Variants in LSAMP observed in about 807,000 individuals in gnomAD.
LSAMP encodes the protein limbic system associated membrane protein.
A neutral mutation model predicts 38.6 loss-of-function variants in LSAMP; 7 were observed. The observed-to-expected ratio is 0.18, with a 90% CI of 0.10 to 0.34. The LOEUF (loss-of-function observed/expected upper bound fraction) is 0.34. Ranked by LOEUF, LSAMP falls within the 10% of genes least tolerant of loss-of-function variation. The pLI, the probability that LSAMP is intolerant of heterozygous loss-of-function variation, is 1.00. For missense variants in LSAMP, 313 were observed against 420.0 expected (o/e 0.75, Z 2.23); for synonymous variants, 154 against 166.8 (o/e 0.92, Z 0.59).
chr3:116,268,333 C>G (rs2046920284), intron 1 of LSAMP, among the ~76,000 whole-genome samples: 1 of 152,074 alleles, frequency 6.6e-6, no homozygotes, highest in Middle Eastern at 3.2e-3. Context: ...CTGGCCAACC[C>G]AAATGCCTTT....
At chr3:116,078,817 C>T (rs1707808523) in intron 2 of LSAMP, among the ~76,000 whole-genome samples, 1 of 152,082 alleles carries the variant, frequency 6.6e-6, no homozygotes, top group Non-Finnish European at 1.5e-5. Flanking sequence ...AGAGATGCTC[C>T]AAGTTATATT....
intron 1 of LSAMP, among the ~76,000 whole-genome samples, chr3:116,272,052 A>G (rs1458224527): frequency 1.3e-5 from 2 of 152,066 alleles, no homozygotes; most frequent in Non-Finnish European, 2.9e-5. Context: ...TAAAGATGGA[A>G]GGAATTCTCA....
chr3:116,248,914 G>A (rs1484956013), intron 1 of LSAMP, among the ~76,000 whole-genome samples: 1 of 152,110 alleles, frequency 6.6e-6, no homozygotes, highest in Admixed American at 6.5e-5. Context: ...TTGGGAGGCT[G>A]AGGCAGGCGG....
intron 1 of LSAMP, among the ~76,000 whole-genome samples, chr3:116,167,779 T>C (rs1710096443): frequency 1.3e-5 from 2 of 152,234 alleles, no homozygotes; most frequent in African/African-American, 4.8e-5. Flanking sequence ...ACATACTATG[T>C]ATAATAATGT....
At chr3:116,302,432 T>G (rs1176451990) in intron 1 of LSAMP, among the ~76,000 whole-genome samples, 1 of 152,180 alleles carries the variant, frequency 6.6e-6, no homozygotes, top group Non-Finnish European at 1.5e-5. Context: ...GGTAATCACC[T>G]CTAAAAACTC....
rs73858601 is a variant in LSAMP, at chr3:116,235,020, A to G, written c.156-148464T>C. ...CAATGAACTTTTTTTATGTAGCATTATATTTCCACAGAAAAAATATTCTAA... is the reference window on the plus strand; with the variant it reads ...CAATGAACTTTTTTTATGTAGCATTGTATTTCCACAGAAAAAATATTCTAA... On this transcript the variant is annotated intron_variant, in intron 1 of 6. Coordinates refer to ENST00000490035, the MANE Select transcript of LSAMP (RefSeq NM_002338.5). Among the ~76,000 whole-genome samples the G allele has an allele frequency of 6.2e-3, 569 of 92,354 alleles. 2 individuals carry two copies. Among genetic ancestry groups the G allele is most frequent in the African/African-American group, 0.016 (535 of 33,264 alleles). The allele number at this position is 92,354 out of a possible 152,430, so 60.6% of individuals were successfully genotyped here. A position where few individuals can be genotyped will look rare whatever the true frequency, so the allele number is the denominator to read the frequency against.
At chr3:115,830,822 C>G (rs1026076559) in intron 6 of LSAMP, among the ~76,000 whole-genome samples, 12 of 152,102 alleles carry the variant, frequency 7.9e-5, no homozygotes, top group Non-Finnish European at 1.6e-4. Context: ...AATTTGATTT[C>G]AAGAATGTAT....
At chr3:116,157,579 A>T (rs1342571134) in intron 1 of LSAMP, among the ~76,000 whole-genome samples, 1 of 152,138 alleles carries the variant, frequency 6.6e-6, no homozygotes, top group Non-Finnish European at 1.5e-5. Context: ...AAACAGAAAT[A>T]AGTAAGGAAA....
intron 1 of LSAMP, among the ~76,000 whole-genome samples, chr3:116,232,890 A>G (rs1440767201): frequency 2.0e-5 from 3 of 150,978 alleles, no homozygotes; most frequent in African/African-American, 7.3e-5. Context: ...AAAGGCCCCT[A>G]CCAGTTGCAA....
At chr3:115,827,063 G>A (rs1293795940) in intron 6 of LSAMP, among the ~76,000 whole-genome samples, 3 of 150,878 alleles carry the variant, frequency 2.0e-5, no homozygotes, top group African/African-American at 7.3e-5. Context: ...AATTTCCCAA[G>A]TTACTCTAGC....
intron 3 of LSAMP, among the ~76,000 whole-genome samples, chr3:115,889,845 C>T (rs975607040): frequency 2.0e-5 from 3 of 151,926 alleles, no homozygotes; most frequent in African/African-American, 7.2e-5. Flanking sequence ...TCCATCACTA[C>T]TAAAACAATG....
chr3:116,153,167 C>T (rs1253567243), intron 1 of LSAMP, among the ~76,000 whole-genome samples: 1 of 152,078 alleles, frequency 6.6e-6, no homozygotes. Context: ...CTTAGAAACA[C>T]TATGTGTGCC....
At chr3:116,322,043 G>T (rs1175478454) in intron 1 of LSAMP, among the ~76,000 whole-genome samples, 3 of 152,158 alleles carry the variant, frequency 2.0e-5, no homozygotes, top group Admixed American at 1.3e-4. Flanking sequence ...GACAATAAAA[G>T]AAATCTCTAG....
intron 1 of LSAMP, among the ~76,000 whole-genome samples, chr3:116,221,724 G>GAAGA (rs2046287125): frequency 6.6e-6 from 1 of 152,140 alleles, no homozygotes; most frequent in Non-Finnish European, 1.5e-5. Flanking sequence ...AGATCCTGGT[G>GAAGA]TCTCACTACT....
chr3:116,277,851 T>C (rs1292425285), intron 1 of LSAMP, among the ~76,000 whole-genome samples: 1 of 152,182 alleles, frequency 6.6e-6, no homozygotes, highest in Non-Finnish European at 1.5e-5. Context: ...ATTTTCATCA[T>C]ATAAAAGATG....
intron 3 of LSAMP, among the ~76,000 whole-genome samples, chr3:116,011,296 C>T (rs1482634946): frequency 2.0e-5 from 3 of 152,158 alleles, no homozygotes; most frequent in African/African-American, 4.8e-5. Context: ...TACGATGTTC[C>T]TTCCTGGAGG....
intron 3 of LSAMP, among the ~76,000 whole-genome samples, chr3:115,894,539 T>C (rs67193273): frequency 0.22 from 33,248 of 151,920 alleles, 4,408 homozygotes; most frequent in African/African-American, 0.38. Context: ...AAGAAGAAAA[T>C]GGCTTCTTTG....
chr3:115,880,732 A>C (rs1936299292), intron 3 of LSAMP, among the ~76,000 whole-genome samples: 1 of 152,070 alleles, frequency 6.6e-6, no homozygotes. Flanking sequence ...AATCTGCTAT[A>C]TTAAAATAAT....
At chr3:115,892,269 G>C (rs1290655710) in intron 3 of LSAMP, among the ~76,000 whole-genome samples, 1 of 151,878 alleles carries the variant, frequency 6.6e-6, no homozygotes, top group East Asian at 1.9e-4. Context: ...AACAGAAACA[G>C]GTTCATATGT....
Sources: gnomAD v4.1 joint callset for allele counts (sites outside exome capture counted in the v4.1 genomes callset) on GRCh38, gnomAD v4.1.1 for gene constraint, MANE v1.5 for transcripts, NCBI Gene and HGNC (gene_info 2026-07-23, HGNC 2026-07-21) for gene names.